Variants in LPP observed in about 807,000 individuals in gnomAD.
LPP encodes lipoma-preferred partner.
LPP carries 38 observed loss-of-function variants against 60.4 expected under a neutral mutation model. That is an observed-to-expected ratio of 0.63 (90% CI 0.49 to 0.83). LPP has a LOEUF of 0.83. Among genes scored for constraint, LPP ranks in the 40% least tolerant of loss-of-function variants. LPP has a pLI of 0.00. For synonymous variants in LPP, 328 were observed against 290.8 expected (o/e 1.13, Z -1.30); for missense variants, 902 against 783.6 (o/e 1.15, Z -1.80).
chr3:188,387,449 A>C (rs1435063070), intron 3 of LPP, among the ~76,000 whole-genome samples: 1 of 152,108 alleles, frequency 6.6e-6, no homozygotes, highest in East Asian at 1.9e-4. Context: ...GCCATATCTT[A>C]ATTGTTTCAT....
At chr3:188,263,932 T>G (rs927340139) in intron 2 of LPP, among the ~76,000 whole-genome samples, 1 of 152,202 alleles carries the variant, frequency 6.6e-6, no homozygotes, top group African/African-American at 2.4e-5. Context: ...CCTCACTGAT[T>G]TTGTTCTTCA....
intron 3 of LPP, among the ~76,000 whole-genome samples, chr3:188,398,755 G>A (rs115889760): frequency 6.6e-6 from 1 of 152,184 alleles, no homozygotes; most frequent in East Asian, 1.9e-4. Flanking sequence ...TCGCAATTAC[G>A]CTGGTAGGGA....
intron 2 of LPP, among the ~76,000 whole-genome samples, chr3:188,293,376 G>A (rs774100967): frequency 5.3e-5 from 8 of 152,162 alleles, no homozygotes; most frequent in Non-Finnish European, 8.8e-5. Flanking sequence ...TCATGTTAGC[G>A]AGAGCTCTTT....
intron 9 of LPP, among the ~76,000 whole-genome samples, chr3:188,834,324 G>GTT (rs71867135): frequency 0.11 from 3,891 of 34,066 alleles, 446 homozygotes; most frequent in East Asian, 0.58. Flanking sequence ...CTTTTTGGGT[G>GTT]TTTTTTTTTT....
intron 5 of LPP, among the ~76,000 whole-genome samples, chr3:188,508,638 G>A (rs1364887748): frequency 1.3e-5 from 2 of 152,182 alleles, no homozygotes; most frequent in East Asian, 1.9e-4. Context: ...GCACTCCTTC[G>A]AGGTGGTAAA....
intron 4 of LPP, among the ~76,000 whole-genome samples, chr3:188,464,088 T>C (rs1310675290): frequency 2.0e-5 from 3 of 152,220 alleles, no homozygotes; most frequent in African/African-American, 7.2e-5. Flanking sequence ...TCTATTTAGA[T>C]AAATGGAAAA....
intron 1 of LPP, among the ~76,000 whole-genome samples, chr3:188,185,999 G>A (rs920615372): frequency 6.6e-6 from 1 of 152,172 alleles, no homozygotes; most frequent in African/African-American, 2.4e-5. Flanking sequence ...AAGAAAAGCT[G>A]GTGTAGGAAA....
intron 9 of LPP, among the ~76,000 whole-genome samples, chr3:188,860,608 C>T (rs1646226895): frequency 6.7e-6 from 1 of 150,198 alleles, no homozygotes; most frequent in Non-Finnish European, 1.5e-5. Flanking sequence ...TTGAGAAGTT[C>T]TAGACTGGAG....
chr3:188,726,849 A>G (rs2149973809), intron 8 of LPP, among the ~76,000 whole-genome samples: 1 of 152,346 alleles, frequency 6.6e-6, no homozygotes, highest in South Asian at 2.1e-4. Context: ...GCCAGGAAAA[A>G]CAAAAGAAAA....
In LPP at chr3:188,638,828, A is replaced by C. The variant is rs1849415672; in HGVS notation, c.1113+28984A>C. On this transcript the variant is annotated intron_variant, in intron 7 of 11. Coordinates refer to ENST00000617246, the MANE Select transcript of LPP (RefSeq NM_001375462.1). ...TACAAGGGATGTGAAGGACCTCTTC[A>C]AGGAGAACTACAAACCACTGCTCAA... is the stretch of plus-strand genomic sequence containing the variant. 2.7e-5 allele frequency among the ~76,000 whole-genome samples: 4 copies of C among 149,162 alleles called. No homozygotes were observed. The South Asian group carries it at 8.6e-4, about 32-fold the overall frequency.
At chr3:188,844,349 A>T (rs1013366800) in intron 9 of LPP, among the ~76,000 whole-genome samples, 6 of 152,212 alleles carry the variant, frequency 3.9e-5, no homozygotes, top group African/African-American at 7.2e-5. Flanking sequence ...CAACGTATTT[A>T]ATACTTCCTC....
intron 7 of LPP, among the ~76,000 whole-genome samples, chr3:188,627,246 A>G (rs575682360): frequency 2.0e-5 from 3 of 152,302 alleles, no homozygotes; most frequent in South Asian, 2.1e-4. Flanking sequence ...TCAAGTCTAC[A>G]TAAGAACCAG....
At position 188,427,854 on chromosome 3, in the gene LPP, G is replaced by C. The variant is rs553577306; in HGVS notation, c.193+21541G>C. Among the ~76,000 whole-genome samples the C allele has an allele frequency of 3.3e-5, 5 of 152,268 alleles. No homozygotes were observed. The East Asian group carries it at 9.6e-4, about 29-fold the overall frequency. On this transcript the variant is annotated intron_variant, in intron 4 of 11. Coordinates refer to ENST00000617246, the MANE Select transcript of LPP (RefSeq NM_001375462.1). Reference sequence around the variant, plus strand: ...GGATCTTAGCTTGCTGGGCTCTGTGGGGGTGGGGTCCACTGAGTTAGAACA... The same window carrying C: ...GGATCTTAGCTTGCTGGGCTCTGTGCGGGTGGGGTCCACTGAGTTAGAACA...
At chr3:188,567,687 T>C (rs912494105) in intron 6 of LPP, among the ~76,000 whole-genome samples, 3 of 151,964 alleles carry the variant, frequency 2.0e-5, no homozygotes, top group Non-Finnish European at 2.9e-5. Context: ...GATATACTTA[T>C]AGTTCCTGGT....
At chr3:188,278,654 G>A (rs1023340536) in intron 2 of LPP, among the ~76,000 whole-genome samples, 2 of 152,074 alleles carry the variant, frequency 1.3e-5, no homozygotes, top group East Asian at 1.9e-4. Flanking sequence ...TCCTCTCGGT[G>A]TTTCTCTACA....
chr3:188,609,958 A>G lies in LPP; in HGVS notation c.1113+114A>G. On this transcript the variant is annotated intron_variant, in intron 7 of 11. Transcript: ENST00000617246. This position sits in a 1 kb window ranked among gnomAD's most constrained non-coding sequence, Gnocchi z 6.9. ...TGTGTGTTACTTTTATTTCACTGAC[A>G]AATACAATCCCAGGGAAGGATGAGT... 1 of 1,010,256 alleles carries G rather than the reference A, an allele frequency of 9.9e-7. No individual in the cohort carries two copies. Among genetic ancestry groups the G allele is most frequent in the Non-Finnish European group, 1.4e-6 (1 of 696,468 alleles). 62.6% of individuals were successfully genotyped at this position (1,010,256 alleles called of 1,614,324 possible). A position where few individuals can be genotyped will look rare whatever the true frequency, so the allele number is the denominator to read the frequency against.
chr3:188,791,538 G>C (rs971976516), intron 9 of LPP, among the ~76,000 whole-genome samples: 1 of 151,604 alleles, frequency 6.6e-6, no homozygotes, highest in Non-Finnish European at 1.5e-5. Flanking sequence ...AAATGCTTTT[G>C]TATCTCTCTA....
chr3:188,219,958 G>A (rs2149276314), intron 1 of LPP, among the ~76,000 whole-genome samples: 1 of 152,324 alleles, frequency 6.6e-6, no homozygotes, highest in East Asian at 1.9e-4. Flanking sequence ...CCATCCATTA[G>A]AAGTGATCTC....
chr3:188,214,960 T>C lies in LPP; in HGVS notation c.-189-10445T>C, dbSNP rs1712929625. On this transcript the variant is annotated intron_variant, in intron 1 of 11. Coordinates refer to ENST00000617246, the MANE Select transcript of LPP (RefSeq NM_001375462.1). ...TAGGAACTATTTTTTAAAATATTATTTTTAATTTTGGTGTAATACATATAA... is the reference window on the plus strand; with the variant it reads ...TAGGAACTATTTTTTAAAATATTATCTTTAATTTTGGTGTAATACATATAA... Among the ~76,000 whole-genome samples, 4 of 152,160 alleles carry C rather than the reference T, an allele frequency of 2.6e-5. No homozygotes were observed. In the South Asian group the frequency reaches 8.3e-4, roughly 32 times the overall value.
Sources: allele counts gnomAD v4.1 joint callset (sites outside exome capture counted in the v4.1 genomes callset), GRCh38; gene constraint gnomAD v4.1.1; non-coding constraint Gnocchi (gnomAD v3.1); transcripts MANE v1.5; gene names NCBI Gene and HGNC (gene_info 2026-07-23, HGNC 2026-07-21).